HSP90AA1: variants seen among roughly 807,000 people sequenced by gnomAD.
HSP90AA1 encodes the protein heat shock protein HSP 90-alpha.
A neutral mutation model predicts 73.3 loss-of-function variants in HSP90AA1; 18 were observed. The ratio of observed to expected loss-of-function variants is 0.25; its 90% CI spans 0.17 to 0.36. HSP90AA1 has a LOEUF of 0.36. HSP90AA1 is among the 10% of genes least tolerant of loss of function. The pLI, the probability that HSP90AA1 is intolerant of heterozygous loss-of-function variation, is 1.00. For synonymous variants in HSP90AA1, 477 were observed against 296.9 expected (o/e 1.61, Z -6.24); for missense variants, 704 against 874.2 (o/e 0.81, Z 2.45).
intron 3 of HSP90AA1, 149 bp downstream of exon 3, chr14:102,085,609 T>C (rs2049210012): frequency 3.1e-6 from 4 of 1,306,094 alleles, no homozygotes; most frequent in Non-Finnish European, 4.4e-6. Flanking sequence ...CACCAAGTCA[T>C]GCCATTACAC....
chr14:102,103,220 GA>G (rs1190576133), intron 1 of HSP90AA1, among the ~76,000 whole-genome samples: 8 of 132,898 alleles, frequency 6.0e-5, no homozygotes, highest in Non-Finnish European at 9.6e-5. Flanking sequence ...AGTGGGAGTT[GA>G]TTTTTTTTTT....
At chr14:102,106,127 G>C (rs887880645) in intron 1 of HSP90AA1, among the ~76,000 whole-genome samples, 3 of 151,996 alleles carry the variant, frequency 2.0e-5, no homozygotes, top group Non-Finnish European at 4.4e-5. Context: ...AGAGTTCCGT[G>C]AAAGTAGGTG....
In HSP90AA1 at chr14:102,081,270, T is replaced by G. The variant is rs1175483573; in HGVS notation, c.*442A>C. On this transcript the variant is annotated 3_prime_UTR_variant, in exon 11 of 11. Coordinates refer to ENST00000216281, the MANE Select transcript of HSP90AA1 (RefSeq NM_005348.4). ...TCAGTTTAACCTATTTCTAGAGGAC[T>G]AGTACATGCAGAATTGTCAACTACA... 3 of 274,832 alleles carry G rather than the reference T, an allele frequency of 1.1e-5. No individual in the cohort carries two copies. The East Asian group carries it at 1.7e-4, about 15-fold the overall frequency. The allele number at this position is 274,832 out of a possible 1,614,324, so 17.0% of individuals were successfully genotyped here. A position where few individuals can be genotyped will look rare whatever the true frequency, so the allele number is the denominator to read the frequency against.
intron 1 of HSP90AA1, among the ~76,000 whole-genome samples, chr14:102,134,334 A>G (rs1490863512): frequency 6.8e-6 from 1 of 148,064 alleles, no homozygotes; most frequent in Non-Finnish European, 1.5e-5. Flanking sequence ...AAAAAAAAAA[A>G]AAAAAAAAAA....
At chr14:102,088,971 A>G (rs1293736567), upstream of HSP90AA1, among the ~76,000 whole-genome samples, 1 of 150,772 alleles carries the variant, frequency 6.6e-6, no homozygotes. Context: ...CAATGGCACA[A>G]TCTCTGCTCA....
chr14:102,085,834 G>T lies in HSP90AA1; in HGVS notation c.453C>A (p.Ile151=), dbSNP rs369394114. The part of the protein sequence containing the change: ...AYLVAEKVTV[I]TKHNDDEQYA... ...ACTGCTCATCATCGTTATGTTTGGT[G>T]ATCACAGTTACTTTCTCAGCAACCA... The change falls in exon 3 of 11, where the codon ATC becomes ATA. Residue 151 remains isoleucine, a synonymous_variant. Coordinates refer to ENST00000216281, the MANE Select transcript of HSP90AA1 (RefSeq NM_005348.4). The T allele has an allele frequency of 2.5e-6, 4 of 1,613,786 alleles. No homozygotes were observed. The African/African-American group carries it at 4.0e-5, about 16-fold the overall frequency.
intron 1 of HSP90AA1, among the ~76,000 whole-genome samples, chr14:102,110,199 C>A (rs908814295): frequency 2.6e-5 from 4 of 152,112 alleles, no homozygotes; most frequent in Non-Finnish European, 5.9e-5. Context: ...TCCCAAAGTG[C>A]TGGGATTACA....
At position 102,087,010 on chromosome 14, in the gene HSP90AA1, C is replaced by T. The variant is rs1012986372; in HGVS notation, c.-25G>A. The T allele has an allele frequency of 1.0e-6, 1 of 985,450 alleles. No individual in the cohort carries two copies. Among genetic ancestry groups the T allele is most frequent in the Non-Finnish European group, 1.2e-6 (1 of 830,172 alleles). The allele number at this position is 985,450 out of a possible 1,614,324, so 61.0% of individuals were successfully genotyped here. ...CCTTGGCTAAGTGACCGCACAGGAC[C>T]AACGGCACAGCCACACCGGGACGCT... On this transcript the variant is annotated 5_prime_UTR_variant, in exon 1 of 11. Transcript: ENST00000216281.
chr14:102,131,717 G>T (rs1411023703), intron 1 of HSP90AA1, among the ~76,000 whole-genome samples: 1 of 152,124 alleles, frequency 6.6e-6, no homozygotes, highest in Non-Finnish European at 1.5e-5. Flanking sequence ...CAACATATTT[G>T]AAACTGCAAA....
Position 102,082,388 on chromosome 14 carries a change from A to G in HSP90AA1, c.1812T>C (p.Tyr604=), listed in dbSNP as rs1236823346. The G allele has an allele frequency of 6.8e-6, 11 of 1,613,860 alleles. No homozygotes were observed. Among genetic ancestry groups the G allele is most frequent in the South Asian group, 4.4e-5 (4 of 91,082 alleles). ...TSPCCIVTST[Y]GWTANMERIM... ...TTCTCTCCATGTTTGCTGTCCAGCCATATGTGCTTGTGACAATACAGCATG... is the reference window on the plus strand; with the variant it reads ...TTCTCTCCATGTTTGCTGTCCAGCCGTATGTGCTTGTGACAATACAGCATG... The change falls in exon 10 of 11, where the codon TAT becomes TAC. Residue 604 remains tyrosine (Y), a synonymous_variant. Transcript: ENST00000216281.
At chr14:102,085,576 G>A (rs530282060) in intron 3 of HSP90AA1, 145 bp from the exon 4 acceptor site, 1 of 1,191,024 alleles carries the variant, frequency 8.4e-7, no homozygotes, top group East Asian at 2.4e-5. Context: ...TTTGGGCAAG[G>A]TGCCTCGCCC....
chr14:102,134,322 C>CAAA (rs57081266), intron 1 of HSP90AA1, among the ~76,000 whole-genome samples: 17 of 69,068 alleles, frequency 2.5e-4, no homozygotes, highest in South Asian at 5.4e-4. Context: ...GGCTCTGTCT[C>CAAA]AAAAAAAAAA....
chr14:102,087,746 G>T (rs1434059730), upstream of HSP90AA1, among the ~76,000 whole-genome samples: 1 of 152,084 alleles, frequency 6.6e-6, no homozygotes, highest in Non-Finnish European at 1.5e-5. Flanking sequence ...CTACTTTTGG[G>T]TTCCCCGAAA....
intron 1 of HSP90AA1, 49 bp downstream of exon 1, chr14:102,086,937 A>C: frequency 3.3e-6 from 3 of 918,660 alleles, no homozygotes; most frequent in Middle Eastern, 5.6e-4. Context: ...AGCCGCCCCC[A>C]GTCCCGGTCC....
rs202058021 is a variant in HSP90AA1 at position 102,137,315 on chromosome 14, TTATTTATC to T, written c.155+1927_155+1934del. Among the ~76,000 whole-genome samples the T allele has an allele frequency of 4.5e-3, 685 of 151,836 alleles. 6 individuals carry two copies. Among genetic ancestry groups the T allele is most frequent in the African/African-American group, 0.015 (634 of 41,410 alleles). On this transcript the variant is annotated intron_variant, in intron 1 of 11. Transcript: ENST00000334701. ...ATAAAATTAGGTCAGGCCCATTTATTTATTTATCTATTTATTTATTTATTTCCTGAGAT... is the reference window on the plus strand; with the variant it reads ...ATAAAATTAGGTCAGGCCCATTTATTTATTTATTTATTTATTTCCTGAGAT...
intron 1 of HSP90AA1, among the ~76,000 whole-genome samples, chr14:102,125,327 A>G (rs2049827116): frequency 6.6e-6 from 1 of 152,214 alleles, no homozygotes; most frequent in Non-Finnish European, 1.5e-5. Flanking sequence ...AAACAGATCT[A>G]GAGCCACAAT....
intron 1 of HSP90AA1, among the ~76,000 whole-genome samples, chr14:102,108,782 A>T (rs1432203979): frequency 2.6e-5 from 4 of 151,188 alleles, no homozygotes; most frequent in Non-Finnish European, 5.9e-5. Context: ...TGATCCACCC[A>T]CCTCGGCCTC....
chr14:102,133,006 G>T (rs376548564), intron 1 of HSP90AA1, among the ~76,000 whole-genome samples: 1 of 151,372 alleles, frequency 6.6e-6, no homozygotes, highest in Admixed American at 6.6e-5. Context: ...CGGGCTGGGC[G>T]CAGTGGCTCA....
At chr14:102,085,217 G>C in intron 4 of HSP90AA1, 81 bp downstream of exon 4, 2 of 1,493,164 alleles carry the variant, frequency 1.3e-6, no homozygotes, top group Non-Finnish European at 1.9e-6. Flanking sequence ...TAGTTGAACA[G>C]ATCTAGGGAC....
Sources: allele counts gnomAD v4.1 joint callset (sites outside exome capture counted in the v4.1 genomes callset), GRCh38; gene constraint gnomAD v4.1.1; transcripts MANE v1.5; gene names NCBI Gene and HGNC (gene_info 2026-07-23, HGNC 2026-07-21).